Variants in ARHGAP24 observed in about 807,000 individuals in gnomAD.
ARHGAP24 encodes the protein rho GTPase-activating protein 24.
A neutral mutation model predicts 76.4 loss-of-function variants in ARHGAP24; 50 were observed. The ratio of observed to expected loss-of-function variants is 0.65; its 90% CI spans 0.52 to 0.83. ARHGAP24 has a LOEUF of 0.83. ARHGAP24 is among the 40% of genes least tolerant of loss of function. The probability of loss-of-function intolerance (pLI) is 0.00; values close to 1 mark genes in which losing one functional copy is unlikely to be tolerated. For missense variants in ARHGAP24, 930 were observed against 914.2 expected (o/e 1.02, Z -0.22); for synonymous variants, 345 against 323.3 (o/e 1.07, Z -0.72).
chr4:85,564,398 T>TG (rs1197995424), intron 1 of ARHGAP24, among the ~76,000 whole-genome samples: 5 of 91,504 alleles, frequency 5.5e-5, no homozygotes, highest in Non-Finnish European at 1.0e-4. Flanking sequence ...TGTTGTGGGG[T>TG]GGGGGGAGCG....
chr4:85,504,106 T>C (rs1281753979), intron 1 of ARHGAP24, among the ~76,000 whole-genome samples: 2 of 152,244 alleles, frequency 1.3e-5, no homozygotes, highest in Non-Finnish European at 2.9e-5. Context: ...TTCTGTTCTT[T>C]CACATTTGCT....
chr4:85,840,954 TA>T (rs1355407182), intron 3 of ARHGAP24, among the ~76,000 whole-genome samples: 1 of 152,180 alleles, frequency 6.6e-6, no homozygotes, highest in African/African-American at 2.4e-5. Flanking sequence ...ATTTGGTCAA[TA>T]AAGTGTTACA....
At chr4:85,740,206 TTTG>T (rs943071996) in intron 3 of ARHGAP24, among the ~76,000 whole-genome samples, 4 of 144,520 alleles carry the variant, frequency 2.8e-5, no homozygotes, top group African/African-American at 7.4e-5. Context: ...GGATATTCTT[TTTG>T]TTGTTGTTGT....
intron 2 of ARHGAP24, among the ~76,000 whole-genome samples, chr4:85,571,225 A>G (rs1387411470): frequency 2.0e-5 from 3 of 152,230 alleles, no homozygotes; most frequent in Non-Finnish European, 4.4e-5. Context: ...TTCAACCAGC[A>G]TACATAATGT....
chr4:85,505,505 C>G (rs879435920), intron 1 of ARHGAP24, among the ~76,000 whole-genome samples: 1 of 152,178 alleles, frequency 6.6e-6, no homozygotes, highest in Non-Finnish European at 1.5e-5. Context: ...TCTTCCACTT[C>G]ATCAAATTGG....
rs745937034 is a variant in ARHGAP24, at chr4:85,942,054, T to C, written c.392-12T>C. 9 of 652,442 alleles carry C rather than the reference T, an allele frequency of 1.4e-5. No individual in the cohort carries two copies. Among genetic ancestry groups the C allele is most frequent in the Non-Finnish European group, 1.9e-5 (9 of 483,458 alleles). 40.4% of individuals were successfully genotyped at this position (652,442 alleles called of 1,614,324 possible). ...AAATTTCCCAAGTTTACTGTGATCC[T>C]TTTTTTTTAAGGCATTTTTGGACAG... is the stretch of plus-strand genomic sequence containing the variant. On this transcript the variant is annotated splice_polypyrimidine_tract_variant and intron_variant, in intron 4 of 9. Transcript: ENST00000395184.
At chr4:85,946,996 AT>A (rs1578419618) in intron 5 of ARHGAP24, among the ~76,000 whole-genome samples, 1 of 152,030 alleles carries the variant, frequency 6.6e-6, no homozygotes, top group Non-Finnish European at 1.5e-5. Flanking sequence ...AACATCTGTT[AT>A]TTTTTGACTT....
chr4:85,945,492 G>C (rs1320659343), intron 5 of ARHGAP24, among the ~76,000 whole-genome samples: 1 of 152,058 alleles, frequency 6.6e-6, no homozygotes, highest in African/African-American at 2.4e-5. Context: ...GCCTGAGCGG[G>C]GTGGCTCATG....
intron 8 of ARHGAP24, among the ~76,000 whole-genome samples, chr4:85,985,907 G>T (rs1042100051): frequency 9.2e-5 from 14 of 152,272 alleles, no homozygotes; most frequent in Middle Eastern, 3.4e-3. Context: ...AAGTGAAATG[G>T]TTTTTTATTT....
intron 2 of ARHGAP24, among the ~76,000 whole-genome samples, chr4:85,637,971 C>T (rs868771841): frequency 2.0e-5 from 3 of 152,078 alleles, no homozygotes; most frequent in Non-Finnish European, 2.9e-5. Context: ...TTTGCCTTGT[C>T]TCCTGAGCAG....
chr4:85,895,023 A>T (rs1734098149), intron 3 of ARHGAP24, among the ~76,000 whole-genome samples: 1 of 126,924 alleles, frequency 7.9e-6, no homozygotes, highest in African/African-American at 3.0e-5. Flanking sequence ...AAAAAAAAAG[A>T]AAAGAAAAGC....
chr4:85,602,539 A>G (rs72656209), intron 2 of ARHGAP24, among the ~76,000 whole-genome samples: 4,434 of 152,292 alleles, frequency 0.029, 83 homozygotes, highest in Non-Finnish European at 0.041. Context: ...TGATTTTGAT[A>G]TTCCCTCCTC....
intron 2 of ARHGAP24, among the ~76,000 whole-genome samples, chr4:85,626,420 G>C (rs10002160): frequency 6.6e-6 from 1 of 152,104 alleles, no homozygotes; most frequent in Non-Finnish European, 1.5e-5. Context: ...CTGGCTGATA[G>C]AGTTTCTGTC....
intron 2 of ARHGAP24, among the ~76,000 whole-genome samples, chr4:85,612,602 T>C (rs963473818): frequency 2.0e-5 from 3 of 152,096 alleles, no homozygotes; most frequent in Non-Finnish European, 2.9e-5. Flanking sequence ...TATTTTTAGT[T>C]TTAATTATGA....
At chr4:85,933,280 T>C (rs1186852894) in intron 4 of ARHGAP24, among the ~76,000 whole-genome samples, 1 of 152,054 alleles carries the variant, frequency 6.6e-6, no homozygotes, top group Non-Finnish European at 1.5e-5. Context: ...AAAATATATA[T>C]ATTTTTTTAC....
chr4:85,824,973 C>T (rs971464349), intron 3 of ARHGAP24, among the ~76,000 whole-genome samples: 1 of 151,922 alleles, frequency 6.6e-6, no homozygotes, highest in South Asian at 2.1e-4. Flanking sequence ...GCCTGTAATC[C>T]CAGCTACTAG....
intron 1 of ARHGAP24, among the ~76,000 whole-genome samples, chr4:85,481,473 A>T (rs1722814051): frequency 6.6e-6 from 1 of 152,194 alleles, no homozygotes; most frequent in African/African-American, 2.4e-5. Context: ...CAGGTCTTCT[A>T]GATGACAGCA....
chr4:85,797,961 C>CCTTA (rs1728434604), intron 3 of ARHGAP24, among the ~76,000 whole-genome samples: 1 of 152,222 alleles, frequency 6.6e-6, no homozygotes, highest in South Asian at 2.1e-4. Context: ...GCCTTAAATG[C>CCTTA]CTTATATCCT....
rs1020762707 is a variant in ARHGAP24 at position 85,516,876 on chromosome 4, G to A, written c.-21+41317G>A. 5.3e-5 allele frequency among the ~76,000 whole-genome samples: 8 copies of A among 152,000 alleles called. No homozygotes were observed. The East Asian group carries it at 7.7e-4, about 15-fold the overall frequency. On this transcript the variant is annotated intron_variant, in intron 1 of 9. Coordinates refer to ENST00000395184, the MANE Select transcript of ARHGAP24 (RefSeq NM_001025616.3). Reference sequence around the variant, plus strand: ...GCTGTAAGGGCTTTCCTGTAATTATGTCTCCTGCTAATACTTTTATGATTT... The same window carrying A: ...GCTGTAAGGGCTTTCCTGTAATTATATCTCCTGCTAATACTTTTATGATTT...
Sources: allele counts gnomAD v4.1 joint callset (sites outside exome capture counted in the v4.1 genomes callset), GRCh38; gene constraint gnomAD v4.1.1; transcripts MANE v1.5; gene names NCBI Gene and HGNC (gene_info 2026-07-23, HGNC 2026-07-21).